Variants in ZNF391 observed in about 807,000 individuals in gnomAD.
ZNF391 encodes zinc finger protein 391.
For missense variants in ZNF391, 375 were observed against 425.5 expected (o/e 0.88, Z 1.04); for synonymous variants, 126 against 142.1 (o/e 0.89, Z 0.80).
chr6:27,389,160 A>C (rs1561810263), intron 1 of ZNF391, 85 bp downstream of exon 1: 4 of 456,498 alleles, frequency 8.8e-6, no homozygotes, highest in African/African-American at 2.0e-5. Context: ...GTTTGGCTGC[A>C]GGTCGGGTCA....
At chr6:27,392,918 C>G (rs961662551) in intron 1 of ZNF391, among the ~76,000 whole-genome samples, 6 of 152,288 alleles carry the variant, frequency 3.9e-5, no homozygotes, top group Non-Finnish European at 7.4e-5. Context: ...TTATTGTGAA[C>G]AATAAATGAG....
In ZNF391 at chr6:27,400,849, C is replaced by A. The variant is rs1761939858; in HGVS notation, c.479C>A (p.Thr160Asn). The A allele has an allele frequency of 1.2e-6, 2 of 1,614,178 alleles. No homozygotes were observed. The highest frequency in any genetic ancestry group is 1.6e-4 in the Middle Eastern group (1 of 6,062). ...CTTATTGAACATCAAAGAACTCACA[C>A]TGGAGAGAAACCTTATGAATGCAAT... ...THLIEHQRTHTGEKPYECNEC... is the reference protein window; with the variant it reads ...THLIEHQRTHNGEKPYECNEC... The change falls in exon 3 of 3, where the codon ACT (threonine) becomes AAT (asparagine). Residue 160 changes from threonine (T) to asparagine (N), a missense_variant. Coordinates refer to ENST00000244576, the MANE Select transcript of ZNF391 (RefSeq NM_001076781.3).
Position 27,376,083 on chromosome 6 carries a change from G to GTTTCCTGCCTCCAGGCCCTAT in ZNF391, n.523+958_523+978dup, listed in dbSNP as rs2113633911. Among the ~76,000 whole-genome samples the GTTTCCTGCCTCCAGGCCCTAT allele has an allele frequency of 6.6e-6, 1 of 152,256 alleles. No homozygotes were observed. The highest frequency in any genetic ancestry group is 2.4e-5 in the African/African-American group (1 of 41,542). On this transcript the variant is annotated intron_variant and non_coding_transcript_variant, in intron 1 of 2. Transcript: ENST00000477999. The surrounding 1 kb of genome is among the most constrained non-coding windows in gnomAD (Gnocchi z 4.7). ...TACCTGAAGTGTGAAACAGTTGTAT[G>GTTTCCTGCCTCCAGGCCCTAT]TTTCCTGCCTCCAGGCCCTATTTTC... is the stretch of plus-strand genomic sequence containing the variant.
At position 27,400,761 on chromosome 6, in the gene ZNF391, C is replaced by T. The variant is rs1373955368; in HGVS notation, c.391C>T (p.His131Tyr). 1 of 1,614,070 alleles carries T rather than the reference C, an allele frequency of 6.2e-7. No homozygotes were observed. The highest frequency in any genetic ancestry group is 8.5e-7 in the Non-Finnish European group (1 of 1,180,038). The change falls in exon 3 of 3, where the codon CAT (histidine) becomes TAT (tyrosine). Residue 131 changes from histidine (H) to tyrosine (Y), a missense_variant. Transcript: ENST00000244576. ...AGACCTTCTTGTACACAGTAGAATT[C>T]ATGGTGGAGAAAAGCCTTTTGAATG... The part of the protein sequence containing the change: ...QSDLLVHSRI[H>Y]GGEKPFECNK...
At chr6:27,396,304 C>A (rs554644185) in intron 1 of ZNF391, among the ~76,000 whole-genome samples, 1 of 152,276 alleles carries the variant, frequency 6.6e-6, no homozygotes, top group African/African-American at 2.4e-5. Context: ...ATGCTTACAC[C>A]TATTAGAATC....
rs535412126 is a variant in ZNF391 at position 27,379,827 on chromosome 6, C to A, written n.523+4690C>A. The stretch of plus-strand genomic sequence containing the variant: ...GGGCTTTTATCAGGGCCTAACAGAC[C>A]TTAGGAAATGGAAATACCCAACTTC... On this transcript the variant is annotated intron_variant and non_coding_transcript_variant, in intron 1 of 2. Coordinates refer to the ZNF391 transcript ENST00000477999. Among the ~76,000 whole-genome samples, 6 of 152,274 alleles carry A rather than the reference C, an allele frequency of 3.9e-5. No individual in the cohort carries two copies. In the South Asian group the frequency reaches 1.2e-3, roughly 32 times the overall value.
intron 1 of ZNF391, among the ~76,000 whole-genome samples, chr6:27,398,631 G>A (rs1761880258): frequency 6.6e-6 from 1 of 152,148 alleles, no homozygotes; most frequent in Admixed American, 6.5e-5. Flanking sequence ...AGCTGGGGCG[G>A]GTGGATCACG....
At chr6:27,394,538 G>C (rs1238631368) in intron 1 of ZNF391, among the ~76,000 whole-genome samples, 1 of 152,254 alleles carries the variant, frequency 6.6e-6, no homozygotes, top group Non-Finnish European at 1.5e-5. Context: ...GAAGCCTGCT[G>C]TAAGGGGCAG....
intron 1 of ZNF391, among the ~76,000 whole-genome samples, chr6:27,382,971 T>G (rs1184596239): frequency 2.6e-5 from 4 of 151,594 alleles, no homozygotes; most frequent in Admixed American, 6.6e-5. Context: ...AATACAAAAA[T>G]TAGCTGGGCA....
intron 1 of ZNF391, among the ~76,000 whole-genome samples, chr6:27,378,662 G>A (rs745839294): frequency 3.3e-5 from 5 of 152,150 alleles, no homozygotes; most frequent in Non-Finnish European, 7.3e-5. Context: ...GCATGTATAC[G>A]TGCAGGTCAC....
At chr6:27,393,145 AAAAAC>A (rs1761752362) in intron 1 of ZNF391, among the ~76,000 whole-genome samples, 1 of 152,254 alleles carries the variant, frequency 6.6e-6, no homozygotes, top group African/African-American at 2.4e-5. Flanking sequence ...TTTGAAATGA[AAAAAC>A]AACTACACTT....
intron 1 of ZNF391, among the ~76,000 whole-genome samples, chr6:27,378,064 A>C (rs1034498531): frequency 3.9e-5 from 6 of 152,230 alleles, no homozygotes; most frequent in Admixed American, 1.3e-4. Context: ...ATATTGCATA[A>C]TCTGAAGAAG....
At position 27,400,588 on chromosome 6, in the gene ZNF391, C is replaced by T. The variant is rs1761928100; in HGVS notation, c.218C>T (p.Ala73Val). The T allele has an allele frequency of 1.2e-6, 2 of 1,613,978 alleles. No individual in the cohort carries two copies. The highest frequency in any genetic ancestry group is 1.7e-6 in the Non-Finnish European group (2 of 1,180,022). ...SEFSLSPNLD[A>V]QQKIPKGHGS... ...TTTAGTCTAAGCCCAAACCTTGACG[C>T]ACAACAGAAAATTCCAAAGGGACAT... The change falls in exon 3 of 3, where the codon GCA becomes GTA. Residue 73 changes from alanine (A) to valine (V), a missense_variant. By Grantham distance (64) the Ala-to-Val change is moderately conservative. Coordinates refer to ENST00000244576, the MANE Select transcript of ZNF391 (RefSeq NM_001076781.3).
chr6:27,378,052 A>C (rs1761443938), intron 1 of ZNF391, among the ~76,000 whole-genome samples: 1 of 152,254 alleles, frequency 6.6e-6, no homozygotes, highest in Admixed American at 6.5e-5. Context: ...TTTTAAAGAA[A>C]AATATTGCAT....
intron 1 of ZNF391, among the ~76,000 whole-genome samples, chr6:27,394,579 G>T (rs1761783815): frequency 6.6e-6 from 1 of 152,210 alleles, no homozygotes; most frequent in Admixed American, 6.5e-5. Flanking sequence ...TACTAGGGCA[G>T]TCCAGAGGGG....
chr6:27,399,301 A>G lies in ZNF391; in HGVS notation c.-187-141A>G, dbSNP rs1188002001. 4 of 152,144 alleles carry G rather than the reference A, an allele frequency of 2.6e-5. No individual in the cohort carries two copies. In the East Asian group the frequency reaches 7.7e-4, roughly 29 times the overall value. 9.4% of individuals were successfully genotyped at this position (152,144 alleles called of 1,614,324 possible). On this transcript the variant is annotated intron_variant, in intron 1 of 2. Transcript: ENST00000244576. ...TAATTTTAGTCCCTTTTAGAGACTCATTTTCTCCAGCCCCTCCTGCCATAG... is the reference window on the plus strand; with the variant it reads ...TAATTTTAGTCCCTTTTAGAGACTCGTTTTCTCCAGCCCCTCCTGCCATAG...
chr6:27,390,854 T>A (rs1408236490), intron 1 of ZNF391: 1 of 152,266 alleles, frequency 6.6e-6, no homozygotes, highest in African/African-American at 2.4e-5. Context: ...GAAAGTTTTG[T>A]AAGAAAAGAC....
At chr6:27,380,526 A>C (rs919314719) in intron 1 of ZNF391, among the ~76,000 whole-genome samples, 1 of 151,892 alleles carries the variant, frequency 6.6e-6, no homozygotes, top group African/African-American at 2.4e-5. Flanking sequence ...ATTTAATGCA[A>C]ACAGTGAAAC....
At position 27,376,260 on chromosome 6, in the gene ZNF391, T is replaced by G. The variant is rs1761416610; in HGVS notation, n.523+1123T>G. Among the ~76,000 whole-genome samples, 1 of 152,238 alleles carries G rather than the reference T, an allele frequency of 6.6e-6. No homozygotes were observed. The highest frequency in any genetic ancestry group is 2.4e-5 in the African/African-American group (1 of 41,464). ...TTTGCTATTTGAAATGAATGAATTA[T>G]TAATGAATTATTATTAACACATTAC... On this transcript the variant is annotated intron_variant and non_coding_transcript_variant, in intron 1 of 2. Coordinates refer to the ZNF391 transcript ENST00000477999. The surrounding 1 kb of genome is among the most constrained non-coding windows in gnomAD (Gnocchi z 4.7).
Sources: allele counts gnomAD v4.1 joint callset (sites outside exome capture counted in the v4.1 genomes callset), GRCh38; gene constraint gnomAD v4.1.1; non-coding constraint Gnocchi (gnomAD v3.1); transcripts MANE v1.5; gene names NCBI Gene and HGNC (gene_info 2026-07-23, HGNC 2026-07-21).